The following SEC22C variants were observed in gnomAD, a reference collection of about 807,000 sequenced individuals.
SEC22C encodes the protein vesicle-trafficking protein SEC22c.
A neutral mutation model predicts 34.7 loss-of-function variants in SEC22C; 29 were observed. That is an observed-to-expected ratio of 0.84 (90% confidence interval 0.62 to 1.14). The LOEUF (loss-of-function observed/expected upper bound fraction) is 1.14. Ranked by LOEUF, SEC22C falls within the 50% of genes most tolerant of loss-of-function variation. The pLI is 0.00. For missense variants in SEC22C, 337 were observed against 369.0 expected, an observed-to-expected ratio of 0.91 and a Z score of 0.71; for synonymous variants, 117 against 132.8, an observed-to-expected ratio of 0.88 and a Z score of 0.82.
intron 1 of SEC22C, among the ~76,000 whole-genome samples, chr3:42,587,883 C>T (rs1044914506): frequency 6.6e-6 from 1 of 151,920 alleles, no homozygotes; most frequent in African/African-American, 2.4e-5. Flanking sequence ...ACCAGCCTGA[C>T]CAACATGGTA....
Sources: gnomAD v4.1 joint callset for allele counts (sites outside exome capture counted in the v4.1 genomes callset) on GRCh38, gnomAD v4.1.1 for gene constraint, MANE v1.5 for transcripts, NCBI Gene and HGNC (gene_info 2026-07-23, HGNC 2026-07-21) for gene names.